Variants in QSER1 observed in about 807,000 individuals in gnomAD.
The protein encoded by QSER1 is glutamine and serine-rich protein 1.
Under a neutral mutation model 158.5 loss-of-function variants are expected in QSER1, and 49 were observed. That is an observed-to-expected ratio of 0.31 (90% CI 0.25 to 0.39). QSER1 has a LOEUF of 0.39. QSER1 is among the 10% of genes least tolerant of loss of function. The pLI is 1.00. For synonymous variants in QSER1, 650 were observed against 715.5 expected (o/e 0.91, Z 1.46); for missense variants, 1,754 against 2,010.3 (o/e 0.87, Z 2.44).
At chr11:32,906,588 G>A (rs1406662808) in intron 1 of QSER1, among the ~76,000 whole-genome samples, 3 of 151,714 alleles carry the variant, frequency 2.0e-5, no homozygotes, top group Admixed American at 6.6e-5. Context: ...TTTTGTTTTT[G>A]TTCATTGTAG....
At chr11:32,947,000 C>T (rs1359053293) in intron 4 of QSER1, among the ~76,000 whole-genome samples, 2 of 152,212 alleles carry the variant, frequency 1.3e-5, no homozygotes, top group South Asian at 2.1e-4. Context: ...TTCCAGGTGC[C>T]GTCCGTCACC....
intron 7 of QSER1, among the ~76,000 whole-genome samples, chr11:32,957,436 G>C (rs937363093): frequency 6.6e-6 from 1 of 152,000 alleles, no homozygotes; most frequent in East Asian, 1.9e-4. Flanking sequence ...CCACCGCGCC[G>C]CATTTGGGTT....
intron 1 of QSER1, among the ~76,000 whole-genome samples, chr11:32,895,819 C>T (rs118063524): frequency 0.019 from 2,818 of 152,234 alleles, 45 homozygotes; most frequent in South Asian, 0.038. Context: ...TGGGAAGGTA[C>T]ATGATAAACA....
In QSER1 at chr11:32,957,303, A is replaced by C. The variant is rs566818011; in HGVS notation, c.4752-566A>C. Among the ~76,000 whole-genome samples, 29 of 151,522 alleles carry C rather than the reference A, an allele frequency of 1.9e-4. No individual in the cohort carries two copies. In the Middle Eastern group the frequency reaches 0.01, roughly 54 times the overall value. On this transcript the variant is annotated intron_variant, in intron 7 of 12. Transcript: ENST00000650167. The stretch of plus-strand genomic sequence containing the variant: ...ACTACAGGCGCCCGCCACCACTCCC[A>C]GCTGGTTTTGTATTTTTAGTAGAGA...
chr11:32,957,801 A>AT, intron 7 of QSER1, 68 bp from the exon 8 acceptor site: 1 of 1,265,984 alleles, frequency 7.9e-7, no homozygotes. Flanking sequence ...ATTCTCTTTT[A>AT]TTTTTCTATT....
chr11:32,893,257 A>AGCC lies in QSER1; in HGVS notation c.148_150dup (p.Ala50dup), dbSNP rs544970878. ...CCCCAGCCTGGGCGTACGAACCCCG[A>AGCC]GCCGCCGCCGCCGCCGCCAGCAGCA... On this transcript the variant is annotated inframe_insertion, in exon 1 of 13. Coordinates refer to ENST00000650167, the MANE Select transcript of QSER1 (RefSeq NM_001076786.3). The surrounding 1 kb of genome is among the most constrained non-coding windows in gnomAD (Gnocchi z 4.7). 3.7e-3 allele frequency: 515 copies of AGCC among 139,602 alleles called. 3 individuals carry two copies. Among genetic ancestry groups the AGCC allele is most frequent in the Non-Finnish European group, 6.3e-3 (401 of 63,832 alleles). 8.6% of individuals were successfully genotyped at this position (139,602 alleles called of 1,614,324 possible). A position where few individuals can be genotyped will look rare whatever the true frequency, so the allele number is the denominator to read the frequency against.
rs1853022991 is a variant in QSER1 at position 32,978,925 on chromosome 11, T to C, written c.*2451T>C. Reference sequence around the variant, plus strand: ...CAGGGATACATTCTGAGAAATGCATTGTTAGGCAATTCCGTTGTGCGAACA... The same window carrying C: ...CAGGGATACATTCTGAGAAATGCATCGTTAGGCAATTCCGTTGTGCGAACA... On this transcript the variant is annotated 3_prime_UTR_variant, in exon 13 of 13. Transcript: ENST00000650167. The C allele has an allele frequency of 6.6e-6, 1 of 152,216 alleles. No homozygotes were observed. The highest frequency in any genetic ancestry group is 1.5e-5 in the Non-Finnish European group (1 of 68,032). The allele number at this position is 152,216 out of a possible 1,614,324, so 9.4% of individuals were successfully genotyped here.
In QSER1 at chr11:32,954,096, G is replaced by A; in HGVS notation, c.4417G>A (p.Glu1473Lys). Residue 1473 changes from glutamate to lysine, a missense_variant, in exon 5 of 13, where the codon GAG (glutamate) becomes AAG (lysine). By Grantham distance (56) the Glu-to-Lys change is moderately conservative. Around this residue, in one of 2 missense-constraint regions of QSER1, gnomAD observed 1,707 missense variants for 1,919.6 expected, o/e 0.89. Transcript: ENST00000650167. ...TVAIEGFTDE[E>K]DTESGGEGQY... Reference sequence around the variant, plus strand: ...TGCCATAGAAGGTTTTACAGATGAGGAGGACACAGAAAGCGGAGGAGAAGG... The same window carrying A: ...TGCCATAGAAGGTTTTACAGATGAGAAGGACACAGAAAGCGGAGGAGAAGG... 6.2e-7 allele frequency: 1 copy of A among 1,614,136 alleles called. No individual in the cohort carries two copies. Among genetic ancestry groups the A allele is most frequent in the Non-Finnish European group, 8.5e-7 (1 of 1,180,032 alleles).
chr11:32,911,668 T>G (rs866892505), intron 1 of QSER1, among the ~76,000 whole-genome samples: 3 of 152,212 alleles, frequency 2.0e-5, no homozygotes, highest in South Asian at 2.1e-4. Context: ...CAGTTTCCCT[T>G]GCACTTGCTG....
chr11:32,913,353 G>A (rs1450360586), intron 1 of QSER1, among the ~76,000 whole-genome samples: 1 of 151,792 alleles, frequency 6.6e-6, no homozygotes. Flanking sequence ...ACCATGCCCA[G>A]CTAATTTTTT....
At chr11:32,915,531 T>C (rs1312080903) in intron 1 of QSER1, among the ~76,000 whole-genome samples, 2 of 152,226 alleles carry the variant, frequency 1.3e-5, no homozygotes, top group African/African-American at 2.4e-5. Flanking sequence ...CAGTAGGTCC[T>C]ATCTTACATA....
At position 32,975,303 on chromosome 11, in the gene QSER1, A is replaced by G. The variant is rs774040769; in HGVS notation, c.5414A>G (p.His1805Arg). 13 of 1,598,480 alleles carry G rather than the reference A, an allele frequency of 8.1e-6. No homozygotes were observed. The South Asian group carries it at 1.3e-4, about 16-fold the overall frequency. ...TTGTATTCTTTGTATCATTCACTCC[A>G]TCATTATAAGTACCATGTTTATCTG... ...IQLYSLYHSL[H>R]HYKYHVYLIC... is the part of the protein sequence containing the mutation. The change falls in exon 12 of 13, where the codon CAT (histidine) becomes CGT (arginine). Residue 1805 changes from histidine to arginine, a missense_variant. By Grantham distance (29) the His-to-Arg change is conservative. This residue lies in a region of QSER1 where 47 missense variants were observed against 90.7 expected (regional missense o/e 0.52). Transcript: ENST00000650167.
intron 11 of QSER1, among the ~76,000 whole-genome samples, chr11:32,973,755 T>C (rs1852916516): frequency 1.3e-5 from 2 of 152,176 alleles, no homozygotes; most frequent in Admixed American, 6.5e-5. Flanking sequence ...GCATATAATA[T>C]GTGCTCACAA....
In QSER1 at chr11:32,976,594, T is replaced by G. The variant is rs1353779415; in HGVS notation, c.*120T>G. 9.3e-7 allele frequency: 1 copy of G among 1,069,792 alleles called. No homozygotes were observed. Among genetic ancestry groups the G allele is most frequent in the Admixed American group, 2.3e-5 (1 of 43,372 alleles). 66.3% of individuals were successfully genotyped at this position (1,069,792 alleles called of 1,614,324 possible). On this transcript the variant is annotated 3_prime_UTR_variant, in exon 13 of 13. Coordinates refer to ENST00000650167, the MANE Select transcript of QSER1 (RefSeq NM_001076786.3). ...AGGCCGGCCGCTTCCATCATGGAAC[T>G]GTCATTACCACCTCTGCTGAAGGAC...
chr11:32,917,511 T>C (rs1243349481), intron 1 of QSER1, among the ~76,000 whole-genome samples: 6 of 152,130 alleles, frequency 3.9e-5, no homozygotes, highest in African/African-American at 1.2e-4. Flanking sequence ...CTTTATCCCA[T>C]TGAACACAAG....
chr11:32,924,261 T>C (rs965090628), intron 1 of QSER1, among the ~76,000 whole-genome samples: 1 of 151,740 alleles, frequency 6.6e-6, no homozygotes, highest in Non-Finnish European at 1.5e-5. Flanking sequence ...AATTAAAACC[T>C]CATTATTTAA....
chr11:32,963,112 T>C (rs183762377), intron 8 of QSER1, among the ~76,000 whole-genome samples: 1 of 152,334 alleles, frequency 6.6e-6, no homozygotes, highest in Admixed American at 6.5e-5. Context: ...AGAAATTTCA[T>C]AAAATTAATA....
rs767315348 is a variant in QSER1, at chr11:32,934,540, A to C, written c.3282A>C (p.Pro1094=). 1.9e-6 allele frequency: 3 copies of C among 1,613,548 alleles called. No homozygotes were observed. The highest frequency in any genetic ancestry group is 4.5e-5 in the East Asian group (2 of 44,874). The change falls in exon 4 of 13, where the codon CCA becomes CCC. Residue 1094 remains proline, a synonymous_variant. Transcript: ENST00000650167. ...PTKVTSAVVG[P]SHEVQEQSSG... ...AAGTAACTTCAGCAGTGGTTGGACC[A>C]AGTCATGAAGTCCAGGAGCAAAGTT...
intron 12 of QSER1, 29 bp downstream of exon 12, chr11:32,975,372 A>G (rs377080065): frequency 3.8e-5 from 61 of 1,605,866 alleles, no homozygotes; most frequent in Non-Finnish European, 4.5e-5. Context: ...CTTAAAAAAA[A>G]TGTTTTTCAG....
Sources: gnomAD v4.1 joint callset for allele counts (sites outside exome capture counted in the v4.1 genomes callset) on GRCh38, gnomAD v4.1.1 for gene constraint, gnomAD v4.1.1 regional missense constraint, Gnocchi (gnomAD v3.1) non-coding constraint, MANE v1.5 for transcripts, NCBI Gene and HGNC (gene_info 2026-07-23, HGNC 2026-07-21) for gene names.